Variants in BAIAP2 observed in about 807,000 individuals in gnomAD.
The protein encoded by BAIAP2 is BAR/IMD domain containing adaptor protein 2.
In BAIAP2, 18 loss-of-function variants were observed where a neutral mutation model predicts 63.0. The ratio of observed to expected loss-of-function variants is 0.29; its 90% CI spans 0.20 to 0.42. BAIAP2 has a LOEUF of 0.42. Among genes scored for constraint, BAIAP2 ranks in the 10% least tolerant of loss-of-function variants. The pLI is 1.00. For synonymous variants in BAIAP2, 386 were observed against 307.6 expected (o/e 1.25, Z -2.67); for missense variants, 610 against 734.3 (o/e 0.83, Z 1.96).
chr17:81,115,824 C>T lies in BAIAP2; in HGVS notation c.1590C>T (p.Ala530=), dbSNP rs756250282. ...LKPTVTNDRS[A]PLLS ...CGACAGTGACCAACGACAGGTCTGC[C>T]CCCCTCCTCAGCTGATGGCCACATC... The change falls in exon 14 of 14, where the codon GCC becomes GCT. Residue 530 remains alanine (A), a synonymous_variant. Transcript: ENST00000428708. The T allele has an allele frequency of 3.7e-6, 6 of 1,613,494 alleles. No homozygotes were observed. The highest frequency in any genetic ancestry group is 4.2e-6 in the Non-Finnish European group (5 of 1,180,004).
intron 13 of BAIAP2, chr17:81,108,942 C>A (rs1396469795): frequency 6.5e-7 from 1 of 1,544,404 alleles, no homozygotes; most frequent in Non-Finnish European, 8.7e-7. Context: ...TGCAGCCAGG[C>A]AGCCGTCCTG....
In BAIAP2 at chr17:81,115,786, G is replaced by A. The variant is rs760359913; in HGVS notation, c.1552G>A (p.Val518Ile). 64 of 1,613,358 alleles carry A rather than the reference G, an allele frequency of 4.0e-5. No individual in the cohort carries two copies. Among genetic ancestry groups the A allele is most frequent in the Middle Eastern group, 3.3e-4 (2 of 6,080 alleles). Residue 518 changes from valine (V) to isoleucine (I), a missense_variant, in exon 14 of 14, where the codon GTC becomes ATC. Coordinates refer to ENST00000428708, the MANE Select transcript of BAIAP2 (RefSeq NM_001144888.2). ...CTCTTTCAGGAATCCCTTTGCCCAC[G>A]TCCAGCTGAAGCCGACAGTGACCAA... Reference protein sequence around the residue: ...RSMSRNPFAHVQLKPTVTNDR... With the variant: ...RSMSRNPFAHIQLKPTVTNDR...
intron 3 of BAIAP2, among the ~76,000 whole-genome samples, chr17:81,058,705 G>A (rs2050040959): frequency 1.3e-5 from 2 of 152,232 alleles, no homozygotes; most frequent in South Asian, 4.1e-4. Context: ...AAACCACTTG[G>A]ATTCCTCTTC....
rs925736068 is a variant in BAIAP2, at chr17:81,058,282, G to A, written c.217+315G>A. Among the ~76,000 whole-genome samples, 5 of 152,254 alleles carry A rather than the reference G, an allele frequency of 3.3e-5. No homozygotes were observed. The East Asian group carries it at 7.7e-4, about 24-fold the overall frequency. On this transcript the variant is annotated intron_variant, in intron 3 of 13. Transcript: ENST00000428708. The stretch of plus-strand genomic sequence containing the variant: ...TGCTTGGATGATGGGATTAGATGGC[G>A]TGGGAATTCATTCCTGGTATTAAAA...
chr17:81,059,199 C>T (rs1442425529), intron 3 of BAIAP2, among the ~76,000 whole-genome samples: 6 of 152,236 alleles, frequency 3.9e-5, no homozygotes, highest in African/African-American at 9.6e-5. Context: ...TGGTGATGCC[C>T]GGGCGGCTGG....
chr17:81,094,366 C>T (rs1320888441), intron 6 of BAIAP2, among the ~76,000 whole-genome samples: 1 of 152,180 alleles, frequency 6.6e-6, no homozygotes, highest in African/African-American at 2.4e-5. Context: ...CCTGTTGTTC[C>T]TGGGCACCCC....
intron 3 of BAIAP2, among the ~76,000 whole-genome samples, chr17:81,077,136 G>A (rs2053790957): frequency 6.6e-6 from 1 of 152,216 alleles, no homozygotes; most frequent in Admixed American, 6.5e-5. Flanking sequence ...GGTTCCCGGA[G>A]CTAGGGGGCA....
intron 2 of BAIAP2, among the ~76,000 whole-genome samples, chr17:81,055,349 T>C (rs1188160492): frequency 6.6e-6 from 1 of 152,126 alleles, no homozygotes; most frequent in Non-Finnish European, 1.5e-5. Context: ...GTGGCCTTCA[T>C]GTTTCCTTGT....
chr17:81,061,590 C>T (rs939702001), intron 3 of BAIAP2, among the ~76,000 whole-genome samples: 2 of 152,194 alleles, frequency 1.3e-5, no homozygotes, highest in African/African-American at 2.4e-5. Context: ...CTTCCTGCTG[C>T]GCGCGTCAGG....
intron 13 of BAIAP2, among the ~76,000 whole-genome samples, chr17:81,111,335 C>T (rs767965049): frequency 4.6e-5 from 7 of 152,370 alleles, no homozygotes; most frequent in Admixed American, 1.3e-4. Flanking sequence ...TGACTCGCAG[C>T]GCCAGCTTGG....
chr17:81,095,812 C>T (rs893938978), intron 6 of BAIAP2, among the ~76,000 whole-genome samples: 7 of 152,162 alleles, frequency 4.6e-5, no homozygotes, highest in African/African-American at 1.2e-4. Flanking sequence ...CAGCCATTTA[C>T]GGGGCTCCTT....
Position 81,116,175 on chromosome 17 carries a change from A to C in BAIAP2, c.*336A>C. The C allele has an allele frequency of 6.2e-7, 1 of 1,605,448 alleles. No homozygotes were observed. Among genetic ancestry groups the C allele is most frequent in the Non-Finnish European group, 8.5e-7 (1 of 1,175,374 alleles). ...TTGGCCAGCTGGTGGCTGGGAGGGG[A>C]GCCTGGCTGCCCTGCTGCTTCTCCT... On this transcript the variant is annotated 3_prime_UTR_variant, in exon 14 of 14. Coordinates refer to ENST00000428708, the MANE Select transcript of BAIAP2 (RefSeq NM_001144888.2).
At chr17:81,058,807 G>A (rs749606773) in intron 3 of BAIAP2, among the ~76,000 whole-genome samples, 4 of 152,232 alleles carry the variant, frequency 2.6e-5, no homozygotes, top group Non-Finnish European at 5.9e-5. Flanking sequence ...GGAGACCCTC[G>A]GATGGGGAAG....
intron 13 of BAIAP2, among the ~76,000 whole-genome samples, chr17:81,112,010 G>A (rs1222161824): frequency 6.6e-6 from 1 of 152,210 alleles, no homozygotes; most frequent in Admixed American, 6.5e-5. Context: ...GTTGATTTTC[G>A]GCAACAAATT....
chr17:81,073,518 C>T (rs1283025969), intron 3 of BAIAP2, among the ~76,000 whole-genome samples: 3 of 152,148 alleles, frequency 2.0e-5, no homozygotes, highest in Non-Finnish European at 4.4e-5. Flanking sequence ...TGTTTATGCT[C>T]CATTTGGGAT....
At chr17:81,054,290 CAA>C (rs2049117077) in intron 2 of BAIAP2, among the ~76,000 whole-genome samples, 2 of 84,584 alleles carry the variant, frequency 2.4e-5, no homozygotes, top group Middle Eastern at 6.9e-3. Flanking sequence ...GCCCTGGCCC[CAA>C]GGGTGGGAGC....
chr17:81,114,765 G>A (rs2060326023), intron 13 of BAIAP2, among the ~76,000 whole-genome samples: 1 of 152,220 alleles, frequency 6.6e-6, no homozygotes, highest in African/African-American at 2.4e-5. Context: ...CCACCCCAGG[G>A]TTTGCTTCCG....
intron 12 of BAIAP2, chr17:81,107,201 G>T: frequency 2.7e-6 from 1 of 368,836 alleles, no homozygotes; most frequent in Non-Finnish European, 4.9e-6. Context: ...GTCCAAGGGG[G>T]CAGCGTCTGG....
At chr17:81,078,304 G>C (rs2054027911) in intron 3 of BAIAP2, among the ~76,000 whole-genome samples, 1 of 144,558 alleles carries the variant, frequency 6.9e-6, no homozygotes, top group African/African-American at 2.6e-5. Flanking sequence ...GCTGGATGCA[G>C]TGGGTGCGGG....
Sources: allele counts gnomAD v4.1 joint callset (sites outside exome capture counted in the v4.1 genomes callset), GRCh38; gene constraint gnomAD v4.1.1; transcripts MANE v1.5; gene names NCBI Gene and HGNC (gene_info 2026-07-23, HGNC 2026-07-21).